Variants in GP9 observed in about 807,000 individuals in gnomAD.
The protein encoded by GP9 is platelet glycoprotein IX.
For synonymous variants in GP9, 116 were observed against 116.7 expected, an observed-to-expected ratio of 0.99 and a Z score of 0.04; for missense variants, 228 against 241.8, an observed-to-expected ratio of 0.94 and a Z score of 0.38.
upstream of GP9, among the ~76,000 whole-genome samples, chr3:129,058,423 G>A (rs964748328): frequency 3.4e-4 from 52 of 152,364 alleles, no homozygotes; most frequent in African/African-American, 1.2e-3. Context: ...CACCTGTCAG[G>A]ACCCCCGGTC....
At chr3:129,057,365 TG>T (rs746531011), upstream of GP9, among the ~76,000 whole-genome samples, 24 of 152,194 alleles carry the variant, frequency 1.6e-4, no homozygotes, top group Admixed American at 2.6e-4. Flanking sequence ...GGAAGCCATG[TG>T]GGGCTCTGGG....
At chr3:129,058,556 T>C (rs1472085417), upstream of GP9, among the ~76,000 whole-genome samples, 2 of 152,084 alleles carry the variant, frequency 1.3e-5, no homozygotes, top group African/African-American at 4.8e-5. Context: ...CTCACTAACA[T>C]AGACACTCCC....
chr3:129,058,824 G>C (rs369076328), upstream of GP9, among the ~76,000 whole-genome samples: 23 of 152,372 alleles, frequency 1.5e-4, no homozygotes, highest in African/African-American at 5.3e-4. Context: ...CAATAAAGCG[G>C]CTTTCTTCAC....
At chr3:129,057,950 C>T (rs1210527537), upstream of GP9, among the ~76,000 whole-genome samples, 1 of 151,468 alleles carries the variant, frequency 6.6e-6, no homozygotes, top group Middle Eastern at 3.2e-3. Context: ...TCTCTTGCCT[C>T]AGCCTCCCAA....
chr3:129,062,246 G>A lies in GP9; in HGVS notation c.507G>A (p.Leu169=), dbSNP rs1355195144. 3 of 1,556,680 alleles carry A rather than the reference G, an allele frequency of 1.9e-6. No individual in the cohort carries two copies. Among genetic ancestry groups the A allele is most frequent in the African/African-American group, 1.4e-5 (1 of 73,768 alleles). The change falls in exon 3 of 3, where the codon CTG becomes CTA. Residue 169 remains leucine (L), a synonymous_variant. Transcript: ENST00000307395. Reference sequence around the variant, plus strand: ...GCCTGGCTCTTCTGGCTGGCCTGCTGTGTGCCACCACAGAGGCCCTGGATT... The same window carrying A: ...GCCTGGCTCTTCTGGCTGGCCTGCTATGTGCCACCACAGAGGCCCTGGATT... ...ALGLALLAGL[L]CATTEALD
chr3:129,055,698 G>A, the GP9 span, among the ~76,000 whole-genome samples: 3 of 150,844 alleles, frequency 2.0e-5, no homozygotes, highest in Non-Finnish European at 3.0e-5. Context: ...AGGCTGGAGT[G>A]CAATGGTACA....
chr3:129,056,712 G>T (rs888948066), upstream of GP9, among the ~76,000 whole-genome samples: 5 of 152,154 alleles, frequency 3.3e-5, no homozygotes, highest in East Asian at 1.9e-4. Context: ...CGTCGAGGAG[G>T]GCTTCCCGTA....
upstream of GP9, among the ~76,000 whole-genome samples, chr3:129,058,792 C>T (rs1946544919): frequency 6.6e-6 from 1 of 152,256 alleles, no homozygotes; most frequent in South Asian, 2.1e-4. Context: ...GAGAGCAGCA[C>T]CTCTGCTATG....
At position 129,060,797 on chromosome 3, in the gene GP9, C is replaced by T. The variant is rs551112318; in HGVS notation, c.-192C>T. The T allele has an allele frequency of 6.5e-6, 1 of 152,696 alleles. No homozygotes were observed. The highest frequency in any genetic ancestry group is 1.9e-4 in the East Asian group (1 of 5,192). 9.5% of individuals were successfully genotyped at this position (152,696 alleles called of 1,614,324 possible). On this transcript the variant is annotated 5_prime_UTR_variant, in exon 1 of 3. Coordinates refer to ENST00000307395, the MANE Select transcript of GP9 (RefSeq NM_000174.5). ...GTATCCCATAGAGTTGCCACCCAGG[C>T]CTCAGCCAGGACCTTTCAGGCCAGA...
rs6069 is a variant in GP9 at position 129,061,871 on chromosome 3, G to C, written c.132G>C (p.Thr44=). 1 of 1,612,764 alleles carries C rather than the reference G, an allele frequency of 6.2e-7. No individual in the cohort carries two copies. The highest frequency in any genetic ancestry group is 2.2e-5 in the East Asian group (1 of 44,816). Residue 44 remains threonine (T), a synonymous_variant, in exon 3 of 3, where the codon ACG becomes ACC. Transcript: ENST00000307395. ...LWVDCRGHGL[T]ALPALPARTR... The stretch of plus-strand genomic sequence containing the variant: ...TGGACTGCAGGGGCCACGGACTCAC[G>C]GCCCTGCCTGCCCTGCCGGCCCGCA...
upstream of GP9, among the ~76,000 whole-genome samples, chr3:129,057,827 C>CTTTTTTTTTTTTTTTTTTTTTTTTT (rs199729798): frequency 1.5e-5 from 2 of 136,316 alleles, 1 homozygote; most frequent in African/African-American, 5.9e-5. Context: ...TTATAGGTTG[C>CTTTTTTTTTTTTTTTTTTTTTTTTT]TTCTTTTTTT....
upstream of GP9, among the ~76,000 whole-genome samples, chr3:129,057,608 C>T (rs191061840): frequency 2.4e-4 from 36 of 152,122 alleles, no homozygotes; most frequent in South Asian, 6.4e-3. Flanking sequence ...GCCAAGAAGG[C>T]GAACGAAGAC....
upstream of GP9, among the ~76,000 whole-genome samples, chr3:129,056,703 G>A (rs992579750): frequency 4.6e-5 from 7 of 152,322 alleles, no homozygotes; most frequent in African/African-American, 1.4e-4. Flanking sequence ...GGGTGAGTGC[G>A]TCGAGGAGGG....
upstream of GP9, among the ~76,000 whole-genome samples, chr3:129,056,185 T>C (rs1168632823): frequency 6.6e-6 from 1 of 152,074 alleles, no homozygotes; most frequent in East Asian, 1.9e-4. Context: ...CAAAACCAGG[T>C]TTCAGAGCAA....
chr3:129,059,551 C>A (rs558210373), upstream of GP9, among the ~76,000 whole-genome samples: 1 of 152,222 alleles, frequency 6.6e-6, no homozygotes, highest in Non-Finnish European at 1.5e-5. Context: ...AGCAACCAGG[C>A]CCCCGAGCAG....
chr3:129,059,799 G>A (rs912251737), upstream of GP9, among the ~76,000 whole-genome samples: 29 of 152,326 alleles, frequency 1.9e-4, 3 homozygotes, highest in Admixed American at 5.9e-4. Context: ...TGAGAAGGAT[G>A]TGAGACCAAA....
the GP9 span, among the ~76,000 whole-genome samples, chr3:129,055,155 T>C: frequency 6.6e-6 from 1 of 152,244 alleles, no homozygotes; most frequent in African/African-American, 2.4e-5. Flanking sequence ...ACGAGGCTTC[T>C]GACCTCCTGT....
chr3:129,059,830 AC>A (rs1037280687), upstream of GP9, among the ~76,000 whole-genome samples: 1 of 151,628 alleles, frequency 6.6e-6, no homozygotes, highest in African/African-American at 2.4e-5. Context: ...GCACACCCCC[AC>A]CCCCGTAGGG....
intron 1 of GP9, among the ~76,000 whole-genome samples, chr3:129,061,104 T>G (rs1946570180): frequency 6.6e-6 from 1 of 152,034 alleles, no homozygotes; most frequent in South Asian, 2.1e-4. Flanking sequence ...GAGACCCGAG[T>G]GTGAGTCTGG....
Sources: allele counts gnomAD v4.1 joint callset (sites outside exome capture counted in the v4.1 genomes callset), GRCh38; gene constraint gnomAD v4.1.1; transcripts MANE v1.5; gene names NCBI Gene and HGNC (gene_info 2026-07-23, HGNC 2026-07-21).